ZNF93: variants seen among roughly 807,000 people sequenced by gnomAD.
ZNF93 encodes zinc finger protein 93.
A neutral mutation model predicts 45.0 loss-of-function variants in ZNF93; 29 were observed. The observed-to-expected ratio is 0.64, with a 90% CI of 0.48 to 0.88. The LOEUF (loss-of-function observed/expected upper bound fraction) is 0.88, where lower values mean the gene tolerates loss of function less well. ZNF93 is among the 40% of genes least tolerant of loss of function. ZNF93 has a pLI of 0.00. For missense variants in ZNF93, 578 were observed against 724.0 expected (o/e 0.80, Z 2.31); for synonymous variants, 223 against 244.6 (o/e 0.91, Z 0.82).
At chr19:19,921,155 T>C (rs2063341627) in intron 3 of ZNF93, among the ~76,000 whole-genome samples, 1 of 152,240 alleles carries the variant, frequency 6.6e-6, no homozygotes, top group African/African-American at 2.4e-5. Context: ...TTGTTCTCAT[T>C]GGTTTCAAAG....
At chr19:19,919,615 C>T (rs1337855570) in intron 3 of ZNF93, among the ~76,000 whole-genome samples, 2 of 152,066 alleles carry the variant, frequency 1.3e-5, no homozygotes, top group African/African-American at 2.4e-5. Flanking sequence ...TGTTTGTATC[C>T]TCTTTTATTT....
intron 3 of ZNF93, among the ~76,000 whole-genome samples, chr19:19,921,783 T>C (rs1327698408): frequency 1.3e-5 from 2 of 152,146 alleles, no homozygotes; most frequent in East Asian, 3.9e-4. Flanking sequence ...TTTTTTTGTT[T>C]TCCATTTGCT....
At chr19:19,901,142 C>A in intron 1 of ZNF93, 51 bp downstream of exon 1, 2 of 1,612,570 alleles carry the variant, frequency 1.2e-6, no homozygotes, top group Middle Eastern at 3.3e-4. Context: ...CTGGTTGGAA[C>A]CGGTGGAAAG....
intron 3 of ZNF93, among the ~76,000 whole-genome samples, chr19:19,927,852 A>G (rs1035230697): frequency 3.9e-5 from 6 of 152,184 alleles, no homozygotes; most frequent in African/African-American, 1.2e-4. Context: ...GGTTCAAGCA[A>G]TTCTTGTACC....
chr19:19,906,036 G>T (rs2063291986), intron 1 of ZNF93, among the ~76,000 whole-genome samples: 1 of 152,152 alleles, frequency 6.6e-6, no homozygotes, highest in Admixed American at 6.5e-5. Context: ...GCCTGACAGG[G>T]TATATACCCA....
intron 1 of ZNF93, among the ~76,000 whole-genome samples, chr19:19,912,903 T>C (rs1291603803): frequency 6.6e-6 from 1 of 152,224 alleles, no homozygotes; most frequent in Non-Finnish European, 1.5e-5. Context: ...CATTAGTACC[T>C]GTGTACATGT....
At chr19:19,912,707 A>T (rs73925536) in intron 1 of ZNF93, among the ~76,000 whole-genome samples, 10,895 of 152,170 alleles carry the variant, frequency 0.072, 912 homozygotes, top group African/African-American at 0.2. Flanking sequence ...ACAATTTTTT[A>T]AAAAATTTGA....
intron 2 of ZNF93, among the ~76,000 whole-genome samples, chr19:19,916,070 T>C (rs2063322704): frequency 1.4e-5 from 1 of 73,552 alleles, no homozygotes; most frequent in Admixed American, 1.2e-4. Flanking sequence ...TTCTTTTTCC[T>C]TTTTTTTTTT....
At chr19:19,929,686 C>T (rs746472585) in intron 3 of ZNF93, among the ~76,000 whole-genome samples, 1 of 152,018 alleles carries the variant, frequency 6.6e-6, no homozygotes, top group Non-Finnish European at 1.5e-5. Flanking sequence ...CGCCTGTAAT[C>T]CCAGCACTTT....
chr19:19,902,052 T>C (rs1358486650), intron 1 of ZNF93, among the ~76,000 whole-genome samples: 2 of 152,136 alleles, frequency 1.3e-5, no homozygotes, highest in Non-Finnish European at 2.9e-5. Context: ...CTTGCCATTG[T>C]ACTCCAGCCT....
At position 19,933,422 on chromosome 19, in the gene ZNF93, A is replaced by C; in HGVS notation, c.467A>C (p.Lys156Thr). 6.3e-7 allele frequency: 1 copy of C among 1,595,404 alleles called. No homozygotes were observed. Among genetic ancestry groups the C allele is most frequent in the Non-Finnish European group, 8.5e-7 (1 of 1,174,112 alleles). Residue 156 changes from lysine (K) to threonine (T), a missense_variant, in exon 4 of 4, where the codon AAA becomes ACA. By Grantham distance (78) the Lys-to-Thr change is moderately conservative (BLOSUM62 -1). Around this residue, in one of 3 missense-constraint regions of ZNF93, gnomAD observed 446 missense variants for 547.6 expected, o/e 0.81. Transcript: ENST00000343769. The stretch of plus-strand genomic sequence containing the variant: ...GATAAATATGGGAAAGTCTTTCATA[A>C]ATTTTCAAATTCAAATAGACATAAT... ...QCDKYGKVFH[K>T]FSNSNRHNIR...
At chr19:19,912,501 G>T (rs905734103) in intron 1 of ZNF93, among the ~76,000 whole-genome samples, 43 of 151,742 alleles carry the variant, frequency 2.8e-4, no homozygotes, top group Admixed American at 2.8e-3. Flanking sequence ...GTTTTGTAAG[G>T]TGTTTGTTTT....
At chr19:19,920,677 G>GTGT (rs1359706430) in intron 3 of ZNF93, among the ~76,000 whole-genome samples, 1 of 152,156 alleles carries the variant, frequency 6.6e-6, no homozygotes, top group Non-Finnish European at 1.5e-5. Flanking sequence ...TCTTGGGAGG[G>GTGT]TGTATGTGTT....
intron 3 of ZNF93, among the ~76,000 whole-genome samples, chr19:19,922,349 T>G (rs1370794927): frequency 6.6e-6 from 1 of 152,202 alleles, no homozygotes; most frequent in Non-Finnish European, 1.5e-5. Flanking sequence ...GTGGGTAACC[T>G]GACCTTTCTC....
chr19:19,915,765 C>A (rs2063321907), intron 2 of ZNF93, among the ~76,000 whole-genome samples: 1 of 152,092 alleles, frequency 6.6e-6, no homozygotes, highest in Non-Finnish European at 1.5e-5. Context: ...TTGCTTGAAC[C>A]CAGGACACGG....
intron 3 of ZNF93, among the ~76,000 whole-genome samples, chr19:19,926,794 A>G (rs1351954023): frequency 6.6e-6 from 1 of 152,124 alleles, no homozygotes. Flanking sequence ...ATGTCTATCA[A>G]TCAGATTATA....
intron 1 of ZNF93, among the ~76,000 whole-genome samples, chr19:19,914,560 A>C (rs571287688): frequency 2.6e-5 from 4 of 152,236 alleles, no homozygotes; most frequent in Admixed American, 6.5e-5. Flanking sequence ...TTGGTGAAGT[A>C]GCTCTCTCTC....
rs200383216 is a variant in ZNF93, at chr19:19,933,377, A to G, written c.422A>G (p.Gln141Arg). 308 of 1,603,470 alleles carry G rather than the reference A, an allele frequency of 1.9e-4. No homozygotes were observed. Among genetic ancestry groups the G allele is most frequent in the Admixed American group, 7.8e-4 (45 of 57,396 alleles). Residue 141 changes from glutamine to arginine, a missense_variant, in exon 4 of 4, where the codon CAG (glutamine) becomes CGG (arginine). Gln to Arg is a conservative substitution (Grantham distance 43). This residue lies in a region of ZNF93 where 446 missense variants were observed against 547.6 expected (regional missense o/e 0.81). Transcript: ENST00000343769. ...NGLNQCSTTTQSKVFQCDKYG... is the reference protein window; with the variant it reads ...NGLNQCSTTTRSKVFQCDKYG... ...CTTAACCAGTGTAGTACAACTACCC[A>G]GAGCAAAGTATTTCAATGTGATAAA...
At chr19:19,928,361 A>G (rs565444749) in intron 3 of ZNF93, among the ~76,000 whole-genome samples, 1 of 152,302 alleles carries the variant, frequency 6.6e-6, no homozygotes, top group Non-Finnish European at 1.5e-5. Context: ...TTGTATTGAT[A>G]TCTTTGAAAA....
Sources: allele counts gnomAD v4.1 joint callset (sites outside exome capture counted in the v4.1 genomes callset), GRCh38; gene constraint gnomAD v4.1.1; regional missense constraint gnomAD v4.1.1; transcripts MANE v1.5; gene names NCBI Gene and HGNC (gene_info 2026-07-23, HGNC 2026-07-21).